KCNB2: variants seen among roughly 807,000 people sequenced by gnomAD.
KCNB2 encodes the protein delayed rectifier potassium channel protein.
In KCNB2, 15 loss-of-function variants were observed where a neutral mutation model predicts 61.5. The ratio of observed to expected loss-of-function variants is 0.24; its 90% CI spans 0.16 to 0.38. KCNB2 has a LOEUF of 0.38. Ranked by LOEUF, KCNB2 falls within the 10% of genes least tolerant of loss-of-function variation. The pLI is 1.00. For synonymous variants in KCNB2, 457 were observed against 446.0 expected, an observed-to-expected ratio of 1.02 and a Z score of -0.31; for missense variants, 828 against 1,125.2, an observed-to-expected ratio of 0.74 and a Z score of 3.78.
chr8:72,539,785 CT>C (rs2128976299), intron 1 of KCNB2, among the ~76,000 whole-genome samples: 1 of 152,286 alleles, frequency 6.6e-6, no homozygotes, highest in African/African-American at 2.4e-5. Context: ...AACAATTCAA[CT>C]TTCCAAGCAT....
rs980935557 is a variant in KCNB2, at chr8:72,544,277, G to A, written c.-94+6392G>A. Among the ~76,000 whole-genome samples, 12 of 152,316 alleles carry A rather than the reference G, an allele frequency of 7.9e-5. No individual in the cohort carries two copies. The East Asian group carries it at 9.7e-4, about 12-fold the overall frequency. On this transcript the variant is annotated intron_variant, in intron 1 of 2. Coordinates refer to ENST00000523207, the MANE Select transcript of KCNB2 (RefSeq NM_004770.3). ...CAGTTGTGGGGAAGTGATGGGAGAC[G>A]AGGCTGAAGAAGGTTGAGGATTAGA... is the stretch of plus-strand genomic sequence containing the variant.
chr8:72,815,831 A>T (rs1809387988), intron 2 of KCNB2, among the ~76,000 whole-genome samples: 1 of 152,176 alleles, frequency 6.6e-6, no homozygotes, highest in African/African-American at 2.4e-5. Flanking sequence ...AGCATTCCCT[A>T]GAACTCTGAG....
intron 2 of KCNB2, among the ~76,000 whole-genome samples, chr8:72,643,621 C>G (rs374400161): frequency 1.4e-4 from 21 of 152,172 alleles, no homozygotes; most frequent in South Asian, 2.1e-4. Flanking sequence ...CTCATCATTT[C>G]CTTCTGAGCT....
At chr8:72,862,656 C>T (rs1805437819) in intron 2 of KCNB2, among the ~76,000 whole-genome samples, 1 of 152,174 alleles carries the variant, frequency 6.6e-6, no homozygotes, top group Non-Finnish European at 1.5e-5. Flanking sequence ...TCAATAATAG[C>T]TGGCACTCAG....
intron 2 of KCNB2, among the ~76,000 whole-genome samples, chr8:72,888,315 T>A (rs2129005648): frequency 6.6e-6 from 1 of 152,258 alleles, no homozygotes; most frequent in Non-Finnish European, 1.5e-5. Flanking sequence ...TTCACCATGT[T>A]GCTCAGGCTG....
chr8:72,744,327 C>T (rs888085728), intron 2 of KCNB2, among the ~76,000 whole-genome samples: 1 of 152,120 alleles, frequency 6.6e-6, no homozygotes, highest in Non-Finnish European at 1.5e-5. Flanking sequence ...AAGCCTCATA[C>T]CACCTACCAC....
At chr8:72,854,296 T>A (rs750136585) in intron 2 of KCNB2, among the ~76,000 whole-genome samples, 6 of 152,172 alleles carry the variant, frequency 3.9e-5, no homozygotes, top group Non-Finnish European at 7.4e-5. Context: ...GGCATATACA[T>A]CTGAGATAAT....
At chr8:72,837,020 T>A (rs1809794228) in intron 2 of KCNB2, among the ~76,000 whole-genome samples, 1 of 152,238 alleles carries the variant, frequency 6.6e-6, no homozygotes, top group South Asian at 2.1e-4. Flanking sequence ...TACCTCCACT[T>A]AAGGTCTGAA....
chr8:72,646,922 A>G (rs1005782948), intron 2 of KCNB2, among the ~76,000 whole-genome samples: 1 of 152,194 alleles, frequency 6.6e-6, no homozygotes, highest in African/African-American at 2.4e-5. Context: ...TCCTCTAAGG[A>G]AAGTTACAGT....
chr8:72,537,744 A>T lies in KCNB2; in HGVS notation c.-235A>T, dbSNP rs1473818858. 6.6e-6 allele frequency: 1 copy of T among 151,848 alleles called. No individual in the cohort carries two copies. Among genetic ancestry groups the T allele is most frequent in the Admixed American group, 6.6e-5 (1 of 15,254 alleles). The allele number at this position is 151,848 out of a possible 1,614,324, so 9.4% of individuals were successfully genotyped here. ...GCCGGGGAGACCCTCCTCTCTGTGG[A>T]GGGGAGGGGGATTTCCAGCGACAGG... On this transcript the variant is annotated 5_prime_UTR_variant, in exon 1 of 3. Transcript: ENST00000523207.
At chr8:72,568,866 C>T (rs570624596) in intron 2 of KCNB2, among the ~76,000 whole-genome samples, 1 of 151,950 alleles carries the variant, frequency 6.6e-6, no homozygotes, top group South Asian at 2.1e-4. Flanking sequence ...CAGAATGCAT[C>T]CACGTACCTC....
At chr8:72,538,918 A>G (rs1389665084) in intron 1 of KCNB2, among the ~76,000 whole-genome samples, 3 of 152,216 alleles carry the variant, frequency 2.0e-5, no homozygotes, top group African/African-American at 7.2e-5. Context: ...ATTACATTTC[A>G]TAGGACAAGC....
intron 2 of KCNB2, among the ~76,000 whole-genome samples, chr8:72,930,695 T>C (rs1426058271): frequency 6.6e-6 from 1 of 152,258 alleles, no homozygotes; most frequent in Non-Finnish European, 1.5e-5. Flanking sequence ...TTCTGGATAT[T>C]AGCCCTTTGT....
intron 2 of KCNB2, among the ~76,000 whole-genome samples, chr8:72,745,302 T>G (rs1477422995): frequency 6.6e-6 from 1 of 152,142 alleles, no homozygotes; most frequent in Non-Finnish European, 1.5e-5. Context: ...ATGGCATGCA[T>G]GCTCCTAGTT....
rs765031655 is a variant in KCNB2 at position 72,567,781 on chromosome 8, C to T, written c.47C>T (p.Ser16Leu). 1.9e-6 allele frequency: 3 copies of T among 1,607,138 alleles called. No individual in the cohort carries two copies. The highest frequency in any genetic ancestry group is 2.2e-5 in the South Asian group (2 of 89,602). Residue 16 changes from serine (S) to leucine (L), a missense_variant, in exon 2 of 3, where the codon TCG becomes TTG. Ser to Leu is a moderately radical substitution (Grantham distance 145, BLOSUM62 -2). Around this residue, in one of 4 missense-constraint regions of KCNB2, gnomAD observed 62 missense variants for 54.8 expected, o/e 1.13. Coordinates refer to ENST00000523207, the MANE Select transcript of KCNB2 (RefSeq NM_004770.3). ...GGCTTAAACAGGAAGACTTCAAGGT[C>T]GACACTTTCCCTTCCTCCAGAGCCT... is the stretch of plus-strand genomic sequence containing the variant. ...PPGLNRKTSR[S>L]TLSLPPEPVD...
At chr8:72,700,856 TA>T (rs1461515646) in intron 2 of KCNB2, among the ~76,000 whole-genome samples, 1 of 152,134 alleles carries the variant, frequency 6.6e-6, no homozygotes, top group Non-Finnish European at 1.5e-5. Context: ...AGGGATTGGA[TA>T]AAGAACATGT....
intron 2 of KCNB2, among the ~76,000 whole-genome samples, chr8:72,867,644 G>A (rs1179089981): frequency 6.6e-6 from 1 of 152,172 alleles, no homozygotes; most frequent in Non-Finnish European, 1.5e-5. Flanking sequence ...TATAACTAGT[G>A]AGTTGAGACA....
At chr8:72,561,130 G>A (rs1385142708) in intron 1 of KCNB2, among the ~76,000 whole-genome samples, 2 of 151,710 alleles carry the variant, frequency 1.3e-5, no homozygotes, top group Non-Finnish European at 2.9e-5. Context: ...TCTAAAAAAA[G>A]CATCGGTTAT....
chr8:72,648,191 T>C (rs1006082568), intron 2 of KCNB2, among the ~76,000 whole-genome samples: 2 of 152,160 alleles, frequency 1.3e-5, no homozygotes, highest in Non-Finnish European at 2.9e-5. Context: ...GTTATGTCTT[T>C]ATAGGAGAGA....
Sources: gnomAD v4.1 joint callset for allele counts (sites outside exome capture counted in the v4.1 genomes callset) on GRCh38, gnomAD v4.1.1 for gene constraint, gnomAD v4.1.1 regional missense constraint, MANE v1.5 for transcripts, NCBI Gene and HGNC (gene_info 2026-07-23, HGNC 2026-07-21) for gene names.